The following RALYL variants were observed in gnomAD, a reference collection of about 807,000 sequenced individuals.
RALYL encodes the protein RALY RNA binding protein like.
In RALYL, 29 loss-of-function variants were observed where a neutral mutation model predicts 35.1. The observed-to-expected ratio is 0.83, with a 90% CI of 0.61 to 1.13. The LOEUF (loss-of-function observed/expected upper bound fraction) is 1.13, where lower values mean the gene tolerates loss of function less well. RALYL is among the 50% of genes most tolerant of loss of function. The probability of loss-of-function intolerance (pLI) is 0.00; values close to 1 mark genes in which losing one functional copy is unlikely to be tolerated. For synonymous variants in RALYL, 120 were observed against 127.6 expected (o/e 0.94, Z 0.40); for missense variants, 359 against 360.4 (o/e 1.00, Z 0.03).
At chr8:84,591,386 T>C (rs192764517) in intron 2 of RALYL, among the ~76,000 whole-genome samples, 49 of 152,264 alleles carry the variant, frequency 3.2e-4, no homozygotes, top group African/African-American at 1.0e-3. Flanking sequence ...GACATCAGCA[T>C]GTTTGGGTCG....
chr8:84,342,296 A>ATATATATATATATATATATAT (rs1554626164), intron 1 of RALYL, among the ~76,000 whole-genome samples: 78 of 119,078 alleles, frequency 6.6e-4, no homozygotes, highest in South Asian at 1.2e-3. Context: ...ATATATATAT[A>ATATATATATATATATATATAT]AAACTCAAAA....
In RALYL at chr8:84,341,378, C is replaced by T. The variant is rs187445568; in HGVS notation, c.-24+156954C>T. ...GAAATTCTGTGCTCAAATTCTAGTT[C>T]TTTGAATCTAGTTTCCCTGATTTTA... On this transcript the variant is annotated intron_variant, in intron 1 of 8. Transcript: ENST00000521268. Among the ~76,000 whole-genome samples, 9 of 151,844 alleles carry T rather than the reference C, an allele frequency of 5.9e-5. No homozygotes were observed. In the East Asian group the frequency reaches 1.7e-3, roughly 29 times the overall value.
intron 2 of RALYL, among the ~76,000 whole-genome samples, chr8:84,539,411 T>A (rs2059835947): frequency 6.6e-6 from 1 of 152,114 alleles, no homozygotes; most frequent in Non-Finnish European, 1.5e-5. Context: ...GAGAAACAGG[T>A]CCTAGATCTT....
At chr8:84,851,994 A>G (rs956493367) in intron 5 of RALYL, among the ~76,000 whole-genome samples, 1 of 152,148 alleles carries the variant, frequency 6.6e-6, no homozygotes. Context: ...AGTAAACCTC[A>G]CACATAGTGG....
chr8:84,639,412 TG>T (rs1346750517), intron 2 of RALYL, among the ~76,000 whole-genome samples: 1 of 151,886 alleles, frequency 6.6e-6, no homozygotes, highest in East Asian at 1.9e-4. Flanking sequence ...GTCAACCTTA[TG>T]ATCTCCATTT....
chr8:84,310,280 C>A lies in RALYL; in HGVS notation c.-24+125856C>A, dbSNP rs113277074. Among the ~76,000 whole-genome samples, 807 of 151,926 alleles carry A rather than the reference C, an allele frequency of 5.3e-3. 7 individuals carry two copies. The highest frequency in any genetic ancestry group is 0.016 in the African/African-American group (647 of 41,408). The stretch of plus-strand genomic sequence containing the variant: ...GGTCTTGAACTCCTGACCTCGTGAT[C>A]CACCTGCCTCAGCCTTCCAAAGTGC... On this transcript the variant is annotated intron_variant, in intron 1 of 8. Coordinates refer to ENST00000521268, the MANE Select transcript of RALYL (RefSeq NM_173848.7).
At chr8:84,404,633 C>CT (rs1398548289) in intron 1 of RALYL, among the ~76,000 whole-genome samples, 1 of 151,366 alleles carries the variant, frequency 6.6e-6, no homozygotes, top group Non-Finnish European at 1.5e-5. Context: ...CTGAAATTTT[C>CT]TTTTTTTGTT....
At chr8:84,837,459 T>A (rs764229272) in intron 4 of RALYL, among the ~76,000 whole-genome samples, 1 of 152,194 alleles carries the variant, frequency 6.6e-6, no homozygotes, top group Non-Finnish European at 1.5e-5. Flanking sequence ...TATATTTTAA[T>A]GAAGTTCGGT....
At chr8:84,468,864 G>A (rs371197261) in intron 1 of RALYL, among the ~76,000 whole-genome samples, 18 of 151,768 alleles carry the variant, frequency 1.2e-4, no homozygotes, top group South Asian at 4.2e-4. Context: ...TTTTTCTCTA[G>A]ACTTCCCTTC....
At chr8:84,338,051 A>G (rs141053950) in intron 1 of RALYL, among the ~76,000 whole-genome samples, 1 of 152,172 alleles carries the variant, frequency 6.6e-6, no homozygotes, top group East Asian at 1.9e-4. Flanking sequence ...TGCACCAAGA[A>G]ATTACCCGTA....
intron 6 of RALYL, among the ~76,000 whole-genome samples, chr8:84,865,102 A>G (rs915364174): frequency 2.6e-5 from 4 of 152,216 alleles, no homozygotes; most frequent in Non-Finnish European, 4.4e-5. Flanking sequence ...GGCAGATTAC[A>G]TTATGTATAC....
chr8:84,210,721 T>C (rs1819288475), intron 1 of RALYL, among the ~76,000 whole-genome samples: 1 of 152,160 alleles, frequency 6.6e-6, no homozygotes, highest in Non-Finnish European at 1.5e-5. Flanking sequence ...CATTTTTTAT[T>C]ATATTTTATT....
intron 2 of RALYL, among the ~76,000 whole-genome samples, chr8:84,752,111 G>A (rs975390625): frequency 2.0e-4 from 31 of 152,200 alleles, no homozygotes; most frequent in African/African-American, 7.5e-4. Flanking sequence ...GGACGATGAA[G>A]TCCAGGCTAA....
At chr8:84,597,876 A>C (rs959192335) in intron 2 of RALYL, among the ~76,000 whole-genome samples, 10 of 152,146 alleles carry the variant, frequency 6.6e-5, no homozygotes, top group Admixed American at 1.3e-4. Flanking sequence ...GAAGTTTAAA[A>C]TATTTAATAT....
At chr8:84,607,697 C>T (rs1361405828) in intron 2 of RALYL, among the ~76,000 whole-genome samples, 1 of 152,048 alleles carries the variant, frequency 6.6e-6, no homozygotes, top group Non-Finnish European at 1.5e-5. Flanking sequence ...GCTCTCTTCC[C>T]AGCAATATTT....
intron 4 of RALYL, among the ~76,000 whole-genome samples, chr8:84,844,241 G>A (rs1834089662): frequency 6.6e-6 from 1 of 152,096 alleles, no homozygotes. Flanking sequence ...TTAATATCCA[G>A]AATCTACAAT....
At chr8:84,785,321 T>G (rs1819155146) in intron 3 of RALYL, among the ~76,000 whole-genome samples, 2 of 152,152 alleles carry the variant, frequency 1.3e-5, no homozygotes, top group Admixed American at 1.3e-4. Flanking sequence ...GCAACTAAGT[T>G]GTGTATCTGC....
chr8:84,468,701 A>T (rs1238646985), intron 1 of RALYL, among the ~76,000 whole-genome samples: 1 of 150,226 alleles, frequency 6.7e-6, no homozygotes, highest in Non-Finnish European at 1.5e-5. Context: ...GCCTTGCTAG[A>T]CTGGGGAAGT....
At chr8:84,461,636 T>C (rs1266127198) in intron 1 of RALYL, among the ~76,000 whole-genome samples, 2 of 151,860 alleles carry the variant, frequency 1.3e-5, no homozygotes, top group East Asian at 3.9e-4. Context: ...GTCTATTAAA[T>C]GTATGGTCAT....
Sources: allele counts gnomAD v4.1 joint callset (sites outside exome capture counted in the v4.1 genomes callset), GRCh38; gene constraint gnomAD v4.1.1; transcripts MANE v1.5; gene names NCBI Gene and HGNC (gene_info 2026-07-23, HGNC 2026-07-21).